Variants in UGGT2 observed in about 807,000 individuals in gnomAD.
The protein encoded by UGGT2 is UDP-glucose glycoprotein glucosyltransferase 2, also known as UDP-glucose:glycoprotein glucosyltransferase 2.
In UGGT2, 180 loss-of-function variants were observed where a neutral mutation model predicts 192.1. The observed-to-expected ratio is 0.94, with a 90% CI of 0.83 to 1.06. The LOEUF (loss-of-function observed/expected upper bound fraction) is 1.06. Ranked by LOEUF, UGGT2 falls within the 50% of genes least tolerant of loss-of-function variation. The probability of loss-of-function intolerance (pLI) is 0.00; values close to 1 mark genes in which losing one functional copy is unlikely to be tolerated. For missense variants in UGGT2, 1,849 were observed against 1,795.7 expected (o/e 1.03, Z -0.54); for synonymous variants, 580 against 591.0 (o/e 0.98, Z 0.27).
intron 11 of UGGT2, among the ~76,000 whole-genome samples, chr13:95,971,813 T>C (rs1038030491): frequency 2.8e-4 from 42 of 152,314 alleles, no homozygotes; most frequent in Admixed American, 2.6e-4. Flanking sequence ...TAAAAAATGT[T>C]CAGTAAAACT....
intron 37 of UGGT2, among the ~76,000 whole-genome samples, chr13:95,833,574 C>T (rs1886959016): frequency 6.6e-6 from 1 of 152,144 alleles, no homozygotes; most frequent in South Asian, 2.1e-4. Context: ...CATCAATACA[C>T]AATCAGTTTA....
intron 1 of UGGT2, among the ~76,000 whole-genome samples, chr13:96,045,375 C>T (rs776558187): frequency 2.6e-5 from 4 of 152,170 alleles, no homozygotes; most frequent in Non-Finnish European, 2.9e-5. Flanking sequence ...CCACAGCCAA[C>T]ATAATACTGA....
chr13:95,828,017 C>T (rs3125438), intron 38 of UGGT2, among the ~76,000 whole-genome samples: 51,797 of 151,930 alleles, frequency 0.34, 10,529 homozygotes, highest in East Asian at 0.48. Context: ...ATACTCTGGC[C>T]CCCTCCAAAA....
chr13:95,911,399 G>A (rs1181207510), intron 20 of UGGT2, among the ~76,000 whole-genome samples: 1 of 152,014 alleles, frequency 6.6e-6, no homozygotes, highest in Non-Finnish European at 1.5e-5. Context: ...ATGATAAATG[G>A]GATATCACCA....
Position 95,927,155 on chromosome 13 carries a change from A to G in UGGT2, c.2102-29T>C, listed in dbSNP as rs761543552. On this transcript the variant is annotated intron_variant, in intron 18 of 38. Transcript: ENST00000376747. ...AAAAATTTCAAATTAAACGTTAAAT[A>G]TAAATAAAGAATTCACAACTCAATA... The G allele has an allele frequency of 5.6e-6, 9 of 1,605,162 alleles. No individual in the cohort carries two copies. The Admixed American group carries it at 1.4e-4, about 25-fold the overall frequency.
intron 1 of UGGT2, among the ~76,000 whole-genome samples, chr13:96,032,199 G>T (rs1293653604): frequency 1.3e-5 from 2 of 151,896 alleles, no homozygotes; most frequent in Non-Finnish European, 2.9e-5. Flanking sequence ...TCAGGAAAAG[G>T]CTTCATGAGA....
At chr13:95,846,634 T>C (rs893781992) in intron 36 of UGGT2, among the ~76,000 whole-genome samples, 4 of 152,122 alleles carry the variant, frequency 2.6e-5, no homozygotes, top group African/African-American at 9.7e-5. Context: ...TCTGGAAGAG[T>C]TTGTGTAAAA....
chr13:95,867,224 T>A (rs1890751822), intron 30 of UGGT2, 115 bp downstream of exon 30: 3 of 923,946 alleles, frequency 3.2e-6, no homozygotes, highest in Non-Finnish European at 4.8e-6. Context: ...AAATATAACA[T>A]TTTAGGTTGT....
intron 12 of UGGT2, among the ~76,000 whole-genome samples, chr13:95,958,998 T>C (rs2050302614): frequency 6.6e-6 from 1 of 152,122 alleles, no homozygotes; most frequent in African/African-American, 2.4e-5. Context: ...GAGAGGGAGC[T>C]CATGCCCAGT....
chr13:95,923,410 C>T (rs764731000), intron 20 of UGGT2, among the ~76,000 whole-genome samples: 8 of 141,298 alleles, frequency 5.7e-5, no homozygotes, highest in Non-Finnish European at 6.0e-5. Flanking sequence ...ACTCTGTCAA[C>T]CAGGCTGAAG....
chr13:95,966,599 C>T (rs945702343), intron 12 of UGGT2, among the ~76,000 whole-genome samples: 12 of 152,070 alleles, frequency 7.9e-5, no homozygotes, highest in Non-Finnish European at 5.9e-5. Context: ...CTGCTAGTGA[C>T]GGATACCCCA....
chr13:95,930,476 T>C (rs1263776315), intron 17 of UGGT2, among the ~76,000 whole-genome samples: 2 of 152,248 alleles, frequency 1.3e-5, no homozygotes, highest in African/African-American at 4.8e-5. Context: ...TTTGTTTGCA[T>C]ATGGCTAGCC....
chr13:96,007,792 A>C (rs1360642020), intron 5 of UGGT2, among the ~76,000 whole-genome samples: 3 of 152,214 alleles, frequency 2.0e-5, no homozygotes, highest in Non-Finnish European at 4.4e-5. Context: ...CGAAGAGAAC[A>C]CCAAAAAATG....
At chr13:95,970,066 T>G in intron 12 of UGGT2, 46 bp downstream of exon 12, 1 of 1,548,542 alleles carries the variant, frequency 6.5e-7, no homozygotes. Flanking sequence ...TGTTAAGCCT[T>G]AAGTATACTA....
At chr13:95,905,190 A>G (rs1047725180) in intron 20 of UGGT2, among the ~76,000 whole-genome samples, 8 of 151,542 alleles carry the variant, frequency 5.3e-5, no homozygotes, top group African/African-American at 1.9e-4. Context: ...TAGATTCTGG[A>G]TATTAGCCCT....
intron 1 of UGGT2, among the ~76,000 whole-genome samples, chr13:96,036,103 C>T (rs1201969859): frequency 6.6e-6 from 1 of 152,176 alleles, no homozygotes; most frequent in African/African-American, 2.4e-5. Flanking sequence ...TACATGCACA[C>T]ATATGTCCAC....
intron 38 of UGGT2, 133 bp downstream of exon 38, chr13:95,832,794 T>A (rs1482851086): frequency 1.5e-6 from 2 of 1,373,036 alleles, no homozygotes; most frequent in Non-Finnish European, 2.0e-6. Context: ...AATACACCTT[T>A]AAATTATGCC....
rs938676658 is a variant in UGGT2 at position 95,925,912 on chromosome 13, T to C, written c.2201-138A>G. On this transcript the variant is annotated intron_variant, in intron 19 of 38. Coordinates refer to ENST00000376747, the MANE Select transcript of UGGT2 (RefSeq NM_020121.4). ...AAGCAAAGATTTTTAAAATGTTATG[T>C]GTGAATGTATACATGCAAGTACGTA... The C allele has an allele frequency of 1.2e-4, 63 of 508,132 alleles. No individual in the cohort carries two copies. In the East Asian group the frequency reaches 1.9e-3, roughly 16 times the overall value. 31.5% of individuals were successfully genotyped at this position (508,132 alleles called of 1,614,324 possible).
chr13:95,875,628 G>A (rs1462188421), intron 29 of UGGT2, among the ~76,000 whole-genome samples: 5 of 152,112 alleles, frequency 3.3e-5, no homozygotes, highest in Admixed American at 6.6e-5. Flanking sequence ...GGAATGTTCC[G>A]TCTGTGGTAT....
Sources: gnomAD v4.1 joint callset for allele counts (sites outside exome capture counted in the v4.1 genomes callset) on GRCh38, gnomAD v4.1.1 for gene constraint, MANE v1.5 for transcripts, NCBI Gene and HGNC (gene_info 2026-07-23, HGNC 2026-07-21) for gene names.